VAV2: variants seen among roughly 807,000 people sequenced by gnomAD.
VAV2 encodes vav guanine nucleotide exchange factor 2.
VAV2 carries 67 observed loss-of-function variants against 132.5 expected under a neutral mutation model. The observed-to-expected ratio is 0.51, with a 90% confidence interval of 0.42 to 0.62. VAV2 has a LOEUF of 0.62. VAV2 is among the 20% of genes least tolerant of loss of function. The pLI is 0.00. For missense variants in VAV2, 938 were observed against 1,153.6 expected (o/e 0.81, Z 2.71); for synonymous variants, 492 against 443.5 (o/e 1.11, Z -1.37).
rs1315765870 is a variant in VAV2 at position 133,823,352 on chromosome 9, C to A, written c.449+10920G>T. ...TTCAGCCTGGTAGGGTTGGGGGCTG[C>A]CTCTTAGAGAAGGTGACCTGTGGGT... On this transcript the variant is annotated intron_variant, in intron 4 of 29. Coordinates refer to ENST00000371850, the MANE Select transcript of VAV2 (RefSeq NM_001134398.2). The surrounding 1 kb of genome is among the most constrained non-coding windows in gnomAD (Gnocchi z 5.5). 2.6e-5 allele frequency among the ~76,000 whole-genome samples: 4 copies of A among 152,302 alleles called. No homozygotes were observed. The East Asian group carries it at 7.7e-4, about 29-fold the overall frequency.
At position 133,912,834 on chromosome 9, in the gene VAV2, G is replaced by A. The variant is rs145579696; in HGVS notation, c.321+26269C>T. On this transcript the variant is annotated intron_variant, in intron 2 of 29. Coordinates refer to ENST00000371850, the MANE Select transcript of VAV2 (RefSeq NM_001134398.2). This position sits in a 1 kb window ranked among gnomAD's most constrained non-coding sequence, Gnocchi z 4.3. ...GTTCCGTCCCTCTAAAATCAGAGTC[G>A]TCCTGTGAGCCAGTGACCACTCGTC... Among the ~76,000 whole-genome samples the A allele has an allele frequency of 1.3e-5, 2 of 152,242 alleles. No homozygotes were observed. Among genetic ancestry groups the A allele is most frequent in the Non-Finnish European group, 2.9e-5 (2 of 68,024 alleles).
chr9:133,907,235 C>T (rs756360897), intron 2 of VAV2, among the ~76,000 whole-genome samples: 1 of 152,322 alleles, frequency 6.6e-6, no homozygotes, highest in South Asian at 2.1e-4. Flanking sequence ...TCGCTCCCTA[C>T]AGACCATCGA....
At chr9:133,958,273 T>C (rs1206543509) in intron 1 of VAV2, among the ~76,000 whole-genome samples, 2 of 126,610 alleles carry the variant, frequency 1.6e-5, no homozygotes, top group Non-Finnish European at 3.6e-5. Context: ...ATCTGTCTCC[T>C]GCCTGTCCCT....
At position 133,859,620 on chromosome 9, in the gene VAV2, TA is replaced by T. The variant is rs904297185; in HGVS notation, c.380+1753del. On this transcript the variant is annotated intron_variant, in intron 3 of 29. Coordinates refer to ENST00000371850, the MANE Select transcript of VAV2 (RefSeq NM_001134398.2). Reference sequence around the variant, plus strand: ...ATGAATCTCTTTCCTGCCTAATATGTAAAAAAAACAAAACAAAACAAAACAA... The same window carrying T: ...ATGAATCTCTTTCCTGCCTAATATGTAAAAAAACAAAACAAAACAAAACAA... Among the ~76,000 whole-genome samples, 325 of 147,998 alleles carry T rather than the reference TA, an allele frequency of 2.2e-3. 1 individual carries two copies. Among genetic ancestry groups the T allele is most frequent in the African/African-American group, 8.0e-3 (322 of 40,112 alleles).
In VAV2 at chr9:133,928,226, T is replaced by C. The variant is rs73552563; in HGVS notation, c.321+10877A>G. ...GTATGTCTGTGTGTGTGCGTGCATG[T>C]GTGTGTCTGTGCCCATGTGCAGCAT... On this transcript the variant is annotated intron_variant, in intron 2 of 29. Coordinates refer to ENST00000371850, the MANE Select transcript of VAV2 (RefSeq NM_001134398.2). This position sits in a 1 kb window ranked among gnomAD's most constrained non-coding sequence, Gnocchi z 5.4. Among the ~76,000 whole-genome samples the C allele has an allele frequency of 0.024, 3,587 of 152,214 alleles. 127 individuals carry two copies. Among genetic ancestry groups the C allele is most frequent in the African/African-American group, 0.08 (3,331 of 41,496 alleles).
At chr9:133,776,284 G>A (rs566431404) in intron 23 of VAV2, among the ~76,000 whole-genome samples, 22 of 152,378 alleles carry the variant, frequency 1.4e-4, no homozygotes, top group African/African-American at 4.1e-4. Flanking sequence ...TAGATGCCCC[G>A]TGGGTCTGAT....
chr9:133,801,603 T>C (rs567003333), intron 9 of VAV2, among the ~76,000 whole-genome samples: 3 of 152,310 alleles, frequency 2.0e-5, no homozygotes, highest in African/African-American at 7.2e-5. Flanking sequence ...CAGCTGGTGA[T>C]GGAGAGGGCC....
chr9:133,873,306 G>T (rs117314661), intron 2 of VAV2, among the ~76,000 whole-genome samples: 1 of 152,136 alleles, frequency 6.6e-6, no homozygotes, highest in South Asian at 2.1e-4. Flanking sequence ...TGCCACGGAC[G>T]ATCTCAGCCA....
intron 2 of VAV2, among the ~76,000 whole-genome samples, chr9:133,896,922 G>A (rs1388452509): frequency 1.3e-5 from 2 of 152,002 alleles, no homozygotes; most frequent in African/African-American, 4.8e-5. Context: ...GTGAAACCCC[G>A]TCTCTACTAA....
chr9:133,769,596 G>A lies in VAV2; in HGVS notation c.2348-93C>T, dbSNP rs1588151498. On this transcript the variant is annotated intron_variant, in intron 27 of 29. Transcript: ENST00000371850. This position sits in a 1 kb window ranked among gnomAD's most constrained non-coding sequence, Gnocchi z 8.1. ...GCTACAGGCCGGGGGGCATGGGGTG[G>A]GGCAGGCCCTTTGGCAGGAGAGGCC... 1 of 1,344,984 alleles carries A rather than the reference G, an allele frequency of 7.4e-7. No individual in the cohort carries two copies. The highest frequency in any genetic ancestry group is 1.0e-6 in the Non-Finnish European group (1 of 976,830). The allele number at this position is 1,344,984 out of a possible 1,614,324, so 83.3% of individuals were successfully genotyped here.
intron 13 of VAV2, among the ~76,000 whole-genome samples, chr9:133,791,416 G>T (rs1300748416): frequency 6.6e-6 from 1 of 152,156 alleles, no homozygotes; most frequent in Non-Finnish European, 1.5e-5. Context: ...GAACCAGGGG[G>T]CGTCTCCTGC....
At position 133,810,188 on chromosome 9, in the gene VAV2, C is replaced by T. The variant is rs1164366446; in HGVS notation, c.567+3G>A. On this transcript the variant is annotated splice_donor_region_variant and intron_variant, in intron 6 of 29. Coordinates refer to ENST00000371850, the MANE Select transcript of VAV2 (RefSeq NM_001134398.2). ...CCCCAGCCTCCCCTTCCGGGCCACTCACCTGCATGTATCTAATCTGCAAGC... is the reference window on the plus strand; with the variant it reads ...CCCCAGCCTCCCCTTCCGGGCCACTTACCTGCATGTATCTAATCTGCAAGC... 6.2e-7 allele frequency: 1 copy of T among 1,613,420 alleles called. No homozygotes were observed. The highest frequency in any genetic ancestry group is 1.1e-5 in the South Asian group (1 of 91,062).
intron 2 of VAV2, among the ~76,000 whole-genome samples, chr9:133,864,411 T>C (rs1383307520): frequency 6.6e-6 from 1 of 152,156 alleles, no homozygotes. Context: ...TGAGACTCAC[T>C]GAGGAACGAG....
intron 3 of VAV2, among the ~76,000 whole-genome samples, chr9:133,846,221 C>T (rs757234882): frequency 1.3e-5 from 2 of 152,198 alleles, no homozygotes; most frequent in Non-Finnish European, 2.9e-5. Context: ...CAGGACCTCA[C>T]ACCACCTGGC....
At chr9:133,949,912 TCA>T (rs1212063300) in intron 1 of VAV2, among the ~76,000 whole-genome samples, 2 of 152,204 alleles carry the variant, frequency 1.3e-5, no homozygotes, top group African/African-American at 4.8e-5. Flanking sequence ...TCAGCTTTTC[TCA>T]CAGTCTGCTC....
chr9:133,840,298 A>G lies in VAV2; in HGVS notation c.381-5958T>C, dbSNP rs890616651. On this transcript the variant is annotated intron_variant, in intron 3 of 29. Coordinates refer to ENST00000371850, the MANE Select transcript of VAV2 (RefSeq NM_001134398.2). The surrounding 1 kb of genome is among the most constrained non-coding windows in gnomAD (Gnocchi z 4.5). ...GGACGAAGCAGATGTCCGCACAGGA[A>G]GCAGAGAAGCCCCAAGTGCTGAGTG... Among the ~76,000 whole-genome samples, 3 of 152,198 alleles carry G rather than the reference A, an allele frequency of 2.0e-5. No individual in the cohort carries two copies. Among genetic ancestry groups the G allele is most frequent in the African/African-American group, 7.2e-5 (3 of 41,452 alleles).
chr9:133,929,054 G>T (rs116960840), intron 2 of VAV2, among the ~76,000 whole-genome samples: 1,717 of 152,336 alleles, frequency 0.011, 19 homozygotes, highest in South Asian at 0.028. Context: ...ACAGCCCTCG[G>T]CATGGGGGAG....
chr9:133,989,765 T>G (rs951037285), intron 1 of VAV2, among the ~76,000 whole-genome samples: 10 of 152,210 alleles, frequency 6.6e-5, no homozygotes, highest in African/African-American at 2.4e-4. Context: ...CCAACCCCTG[T>G]GTGCAGCCAG....
chr9:133,785,362 T>C (rs1834176975), intron 17 of VAV2, among the ~76,000 whole-genome samples: 1 of 152,174 alleles, frequency 6.6e-6, no homozygotes, highest in Admixed American at 6.5e-5. Flanking sequence ...GAAAAATAGT[T>C]CTGTGGCTTC....
Sources: gnomAD v4.1 joint callset for allele counts (sites outside exome capture counted in the v4.1 genomes callset) on GRCh38, gnomAD v4.1.1 for gene constraint, Gnocchi (gnomAD v3.1) non-coding constraint, MANE v1.5 for transcripts, NCBI Gene and HGNC (gene_info 2026-07-23, HGNC 2026-07-21) for gene names.